DHX15: variants seen among roughly 807,000 people sequenced by gnomAD.
DHX15 encodes DEAH-box helicase 15.
DHX15 carries 11 observed loss-of-function variants against 94.4 expected under a neutral mutation model. That is an observed-to-expected ratio of 0.12 (90% CI 0.07 to 0.19). The LOEUF is 0.19. DHX15 is among the 10% of genes least tolerant of loss of function. The pLI is 1.00. For missense variants in DHX15, 304 were observed against 988.5 expected (o/e 0.31, Z 9.29); for synonymous variants, 338 against 329.9 (o/e 1.02, Z -0.27).
chr4:24,543,256 C>G (rs1165103313), intron 6 of DHX15, among the ~76,000 whole-genome samples: 1 of 152,114 alleles, frequency 6.6e-6, no homozygotes, highest in African/African-American at 2.4e-5. Context: ...AAAGCTATTA[C>G]TTCAGGTTAT....
At chr4:24,545,078 T>C (rs188180348) in intron 6 of DHX15, among the ~76,000 whole-genome samples, 42 of 152,228 alleles carry the variant, frequency 2.8e-4, no homozygotes, top group African/African-American at 1.0e-3. Context: ...GGCACAGAAC[T>C]CCACCCTAGG....
chr4:24,566,198 C>T (rs368915580), intron 3 of DHX15, among the ~76,000 whole-genome samples: 1 of 152,014 alleles, frequency 6.6e-6, no homozygotes, highest in African/African-American at 2.4e-5. Context: ...TACCACCACA[C>T]CTGGCTCATT....
At chr4:24,528,352 T>C (rs1333573276) in intron 13 of DHX15, among the ~76,000 whole-genome samples, 4 of 152,308 alleles carry the variant, frequency 2.6e-5, no homozygotes, top group East Asian at 1.9e-4. Context: ...ACACTATTAA[T>C]TTGCCACTCC....
At chr4:24,567,555 C>A (rs10938999) in intron 3 of DHX15, among the ~76,000 whole-genome samples, 1 of 148,784 alleles carries the variant, frequency 6.7e-6, no homozygotes, top group Non-Finnish European at 1.5e-5. Flanking sequence ...CCAGCCTGGG[C>A]GACAGAGCAA....
At position 24,541,843 on chromosome 4, in the gene DHX15, A is replaced by G. The variant is rs377188229; in HGVS notation, c.1485+30T>C. 1.3e-5 allele frequency: 20 copies of G among 1,522,296 alleles called. 1 individual carries two copies. The highest frequency in any genetic ancestry group is 1.0e-4 in the Admixed American group (5 of 50,180). 94.3% of individuals were successfully genotyped at this position (1,522,296 alleles called of 1,614,324 possible). On this transcript the variant is annotated intron_variant, in intron 8 of 13. Transcript: ENST00000336812. ...GATAATTCAACCTAACATTTTAAAC[A>G]TATCGGCAGGAAACGACAATACCCC... is the stretch of plus-strand genomic sequence containing the variant.
intron 1 of DHX15, among the ~76,000 whole-genome samples, chr4:24,581,221 G>C (rs919663790): frequency 1.3e-4 from 20 of 151,784 alleles, no homozygotes; most frequent in African/African-American, 4.6e-4. Context: ...GTAGAGACAG[G>C]GTTTCACCGT....
At chr4:24,563,711 C>G (rs146316562) in intron 3 of DHX15, among the ~76,000 whole-genome samples, 3 of 152,016 alleles carry the variant, frequency 2.0e-5, no homozygotes, top group African/African-American at 7.2e-5. Context: ...AAAAGTAGAC[C>G]GTAAATCCTT....
At chr4:24,583,473 GA>G (rs34695502) in intron 1 of DHX15, among the ~76,000 whole-genome samples, 1,787 of 146,292 alleles carry the variant, frequency 0.012, 41 homozygotes, top group African/African-American at 0.041. Flanking sequence ...AATAAATGAT[GA>G]AAAAAAAAAA....
rs138245112 is a variant in DHX15 at position 24,567,640 on chromosome 4, C to T, written c.701+3014G>A. On this transcript the variant is annotated intron_variant, in intron 3 of 13. Transcript: ENST00000336812. ...CTTCTTAAAATCCACTGCAAAAGGGCTACACCAGAAGCCAACAACCTCTCC... is the reference window on the plus strand; with the variant it reads ...CTTCTTAAAATCCACTGCAAAAGGGTTACACCAGAAGCCAACAACCTCTCC... 3.6e-3 allele frequency among the ~76,000 whole-genome samples: 542 copies of T among 151,904 alleles called. 2 individuals are homozygous for T. The highest frequency in any genetic ancestry group is 0.012 in the African/African-American group (515 of 41,446).
chr4:24,550,012 G>C (rs981608403), intron 5 of DHX15, among the ~76,000 whole-genome samples: 4 of 144,024 alleles, frequency 2.8e-5, no homozygotes, highest in Non-Finnish European at 6.0e-5. Flanking sequence ...AGAATCGCTT[G>C]AACCCGGGAC....
intron 1 of DHX15, among the ~76,000 whole-genome samples, chr4:24,577,288 A>G (rs1722290207): frequency 6.6e-6 from 1 of 152,224 alleles, no homozygotes; most frequent in Non-Finnish European, 1.5e-5. Flanking sequence ...ACAATGTTAT[A>G]CCTGTCAATA....
intron 2 of DHX15, among the ~76,000 whole-genome samples, chr4:24,575,368 A>G (rs1722235254): frequency 6.6e-6 from 1 of 152,192 alleles, no homozygotes; most frequent in South Asian, 2.1e-4. Flanking sequence ...AAGTTTCTAC[A>G]ATGATCAGGG....
chr4:24,533,101 C>T, intron 11 of DHX15, 47 bp from the exon 12 acceptor site: 2 of 1,477,372 alleles, frequency 1.4e-6, no homozygotes, highest in Non-Finnish European at 1.9e-6. Flanking sequence ...ATGAATCACC[C>T]ACACAGGAAT....
At chr4:24,570,953 T>C in intron 2 of DHX15, 106 bp from the exon 3 acceptor site, 1 of 1,139,586 alleles carries the variant, frequency 8.8e-7, no homozygotes, top group Non-Finnish European at 1.2e-6. Flanking sequence ...CCAAATCCAA[T>C]TAGGCAAATG....
intron 5 of DHX15, among the ~76,000 whole-genome samples, chr4:24,549,854 G>A (rs1279289983): frequency 6.6e-6 from 1 of 152,018 alleles, no homozygotes; most frequent in Non-Finnish European, 1.5e-5. Context: ...AGCACTTTGG[G>A]AGGCCGAGGT....
At chr4:24,542,529 T>A (rs972142972) in intron 7 of DHX15, among the ~76,000 whole-genome samples, 2 of 152,212 alleles carry the variant, frequency 1.3e-5, no homozygotes, top group African/African-American at 4.8e-5. Flanking sequence ...TATACAGCAC[T>A]GTTAAACTAG....
In DHX15 at chr4:24,546,666, G is replaced by A. The variant is rs528965629; in HGVS notation, c.1248+2189C>T. Among the ~76,000 whole-genome samples, 318 of 152,228 alleles carry A rather than the reference G, an allele frequency of 2.1e-3. 3 individuals carry two copies. Among genetic ancestry groups the A allele is most frequent in the African/African-American group, 7.4e-3 (308 of 41,540 alleles). ...TCGTTCACCATTAGTGCTGTAACAT[G>A]TTTAAAAGGCTGTTTTTTATTAGTA... On this transcript the variant is annotated intron_variant, in intron 6 of 13. Transcript: ENST00000336812.
rs1722310432 is a variant in DHX15 at position 24,577,898 on chromosome 4, A to G, written c.72-1220T>C. The stretch of plus-strand genomic sequence containing the variant: ...CTTTAAACCCAGACTTGAAATAATG[A>G]GACATGACGGAGCTATGACACAAGC... On this transcript the variant is annotated intron_variant, in intron 1 of 13. Coordinates refer to ENST00000336812, the MANE Select transcript of DHX15 (RefSeq NM_001358.3). Among the ~76,000 whole-genome samples, 3 of 152,330 alleles carry G rather than the reference A, an allele frequency of 2.0e-5. No individual in the cohort carries two copies. The South Asian group carries it at 6.2e-4, about 32-fold the overall frequency.
chr4:24,576,182 A>T, intron 2 of DHX15, 61 bp downstream of exon 2: 1 of 1,343,550 alleles, frequency 7.4e-7, no homozygotes, highest in Non-Finnish European at 1.0e-6. Context: ...AGAATCAAAT[A>T]TGCAACATTT....
Sources: allele counts gnomAD v4.1 joint callset (sites outside exome capture counted in the v4.1 genomes callset), GRCh38; gene constraint gnomAD v4.1.1; transcripts MANE v1.5; gene names NCBI Gene and HGNC (gene_info 2026-07-23, HGNC 2026-07-21).